The following UBE2G1 variants were observed in gnomAD, a reference collection of about 807,000 sequenced individuals.
UBE2G1 encodes the protein ubiquitin conjugating enzyme E2 G1, also known as ubiquitin-conjugating enzyme E2 G1.
In UBE2G1, 5 loss-of-function variants were observed where a neutral mutation model predicts 22.7. The ratio of observed to expected loss-of-function variants is 0.22; its 90% CI spans 0.12 to 0.46. The LOEUF is 0.46. UBE2G1 is among the 20% of genes least tolerant of loss of function. UBE2G1 has a pLI of 0.99. For synonymous variants in UBE2G1, 74 were observed against 67.5 expected, an observed-to-expected ratio of 1.10 and a Z score of -0.47; for missense variants, 88 against 203.9, an observed-to-expected ratio of 0.43 and a Z score of 3.46.
At chr17:4,294,760 A>C (rs1043372598) in intron 3 of UBE2G1, among the ~76,000 whole-genome samples, 7 of 152,126 alleles carry the variant, frequency 4.6e-5, no homozygotes, top group Non-Finnish European at 1.5e-5. Flanking sequence ...ACAAAAAAAA[A>C]CAAAAATTAG....
At chr17:4,348,620 T>C (rs909246892) in intron 1 of UBE2G1, among the ~76,000 whole-genome samples, 14 of 150,522 alleles carry the variant, frequency 9.3e-5, no homozygotes, top group Admixed American at 6.0e-4. Context: ...TCCCAGCACT[T>C]TGGGAGGCTG....
At chr17:4,315,420 T>C (rs1305202181) in intron 1 of UBE2G1, among the ~76,000 whole-genome samples, 1 of 152,154 alleles carries the variant, frequency 6.6e-6, no homozygotes, top group African/African-American at 2.4e-5. Flanking sequence ...CAACTAGACG[T>C]CATTTTGTAC....
chr17:4,358,520 T>A (rs1969932505), intron 1 of UBE2G1, among the ~76,000 whole-genome samples: 1 of 152,204 alleles, frequency 6.6e-6, no homozygotes, highest in African/African-American at 2.4e-5. Flanking sequence ...GCCAGATATG[T>A]GATTTGCAAA....
intron 2 of UBE2G1, chr17:4,302,467 T>C (rs905303659): frequency 2.0e-6 from 1 of 497,394 alleles, no homozygotes; most frequent in Non-Finnish European, 4.1e-6. Flanking sequence ...GGGAACTGCA[T>C]ATGGCTTCAC....
At chr17:4,311,722 C>T (rs995014292) in intron 1 of UBE2G1, among the ~76,000 whole-genome samples, 2 of 152,172 alleles carry the variant, frequency 1.3e-5, no homozygotes, top group African/African-American at 4.8e-5. Context: ...TGGCTGGCTG[C>T]ACAACATCGT....
rs1010365427 is a variant in UBE2G1, at chr17:4,270,103, C to A, written c.*2451G>T. On this transcript the variant is annotated 3_prime_UTR_variant, in exon 6 of 6. Transcript: ENST00000396981. ...AAAAGCATGTGGAGACGCACTCATG[C>A]CTGGCTCTCACTTCCACTCCCGTAG... 2 of 152,516 alleles carry A rather than the reference C, an allele frequency of 1.3e-5. No individual in the cohort carries two copies. The highest frequency in any genetic ancestry group is 4.8e-5 in the African/African-American group (2 of 41,410). The allele number at this position is 152,516 out of a possible 1,614,324, so 9.4% of individuals were successfully genotyped here.
rs982207299 is a variant in UBE2G1 at position 4,328,601 on chromosome 17, T to G, written c.47-21478A>C. 4.6e-5 allele frequency among the ~76,000 whole-genome samples: 7 copies of G among 152,222 alleles called. 1 individual carries two copies. The highest frequency in any genetic ancestry group is 1.5e-5 in the Non-Finnish European group (1 of 68,042). On this transcript the variant is annotated intron_variant, in intron 1 of 5. Transcript: ENST00000396981. The stretch of plus-strand genomic sequence containing the variant: ...TTCTTTTGCATTCCTCTACATCTTA[T>G]TCCATTTACAAGTTTATCTGTGTGA...
At position 4,270,935 on chromosome 17, in the gene UBE2G1, C is replaced by T. The variant is rs1339998107; in HGVS notation, c.*1619G>A. The T allele has an allele frequency of 6.6e-6, 1 of 152,172 alleles. No homozygotes were observed. The highest frequency in any genetic ancestry group is 1.5e-5 in the Non-Finnish European group (1 of 68,036). The allele number at this position is 152,172 out of a possible 1,614,324, so 9.4% of individuals were successfully genotyped here. On this transcript the variant is annotated 3_prime_UTR_variant, in exon 6 of 6. Transcript: ENST00000396981. Reference sequence around the variant, plus strand: ...TTCACTCTTCTGCCAAAGCATTTCTCCAAACCCCACAGAGCAGAGATGCAC... The same window carrying T: ...TTCACTCTTCTGCCAAAGCATTTCTTCAAACCCCACAGAGCAGAGATGCAC...
intron 4 of UBE2G1, among the ~76,000 whole-genome samples, chr17:4,287,240 G>A (rs941166549): frequency 6.6e-6 from 1 of 151,806 alleles, no homozygotes; most frequent in Non-Finnish European, 1.5e-5. Context: ...AAGCAGCTGG[G>A]ATTACAGGCG....
In UBE2G1 at chr17:4,271,031, A is replaced by C. The variant is rs959589887; in HGVS notation, c.*1523T>G. The C allele has an allele frequency of 6.6e-6, 1 of 152,212 alleles. No individual in the cohort carries two copies. The highest frequency in any genetic ancestry group is 2.4e-5 in the African/African-American group (1 of 41,448). 9.4% of individuals were successfully genotyped at this position (152,212 alleles called of 1,614,324 possible). A position where few individuals can be genotyped will look rare whatever the true frequency, so the allele number is the denominator to read the frequency against. Reference sequence around the variant, plus strand: ...ACTGTCTCAAGTTCTATCCCTTATAAGCCAAAGACTACTTCCCACACACAA... The same window carrying C: ...ACTGTCTCAAGTTCTATCCCTTATACGCCAAAGACTACTTCCCACACACAA... On this transcript the variant is annotated 3_prime_UTR_variant, in exon 6 of 6. Transcript: ENST00000396981.
rs1969926803 is a variant in UBE2G1 at position 4,357,987 on chromosome 17, CCT to C, written c.46+8282_46+8283del. Among the ~76,000 whole-genome samples, 2 of 151,398 alleles carry C rather than the reference CCT, an allele frequency of 1.3e-5. 1 individual carries two copies. Among genetic ancestry groups the C allele is most frequent in the African/African-American group, 4.9e-5 (2 of 41,182 alleles). ...TATGTAGACACAAAGAGAGAGAGACCCTGTCTCTTAAAAAAGAAAAAAAAAAG... is the reference window on the plus strand; with the variant it reads ...TATGTAGACACAAAGAGAGAGAGACCGTCTCTTAAAAAAGAAAAAAAAAAG... On this transcript the variant is annotated intron_variant, in intron 1 of 5. Transcript: ENST00000396981.
At position 4,291,946 on chromosome 17, in the gene UBE2G1, G is replaced by A. The variant is rs183736564; in HGVS notation, c.248-2538C>T. On this transcript the variant is annotated intron_variant, in intron 3 of 5. Coordinates refer to ENST00000396981, the MANE Select transcript of UBE2G1 (RefSeq NM_003342.5). ...TTAATGTTTACTTTCCTCTTGCCAC[G>A]GTGTTTCTTAGTTTTCCCCATATAA... 2.2e-4 allele frequency among the ~76,000 whole-genome samples: 34 copies of A among 152,084 alleles called. No homozygotes were observed. In the East Asian group the frequency reaches 6.4e-3, roughly 29 times the overall value.
At chr17:4,341,747 G>A (rs141655016) in intron 1 of UBE2G1, among the ~76,000 whole-genome samples, 65 of 152,254 alleles carry the variant, frequency 4.3e-4, no homozygotes, top group African/African-American at 1.5e-3. Context: ...TCCGTCCAGT[G>A]CAACTGCCTT....
chr17:4,366,424 G>T lies in UBE2G1; in HGVS notation c.-108C>A. 8.6e-7 allele frequency: 1 copy of T among 1,169,486 alleles called. No homozygotes were observed. The allele number at this position is 1,169,486 out of a possible 1,614,324, so 72.4% of individuals were successfully genotyped here. ...CCGAGGAACCCGGGCCCCGCGACCG[G>T]AGCGCCGGAGCCGAGGAAGGCCGGG... On this transcript the variant is annotated 5_prime_UTR_variant, in exon 1 of 6. Coordinates refer to ENST00000396981, the MANE Select transcript of UBE2G1 (RefSeq NM_003342.5).
chr17:4,296,470 C>T, intron 3 of UBE2G1, among the ~76,000 whole-genome samples: 1 of 152,076 alleles, frequency 6.6e-6, no homozygotes, highest in Non-Finnish European at 1.5e-5. Flanking sequence ...ACCATGTTTG[C>T]CAGGCTGGTC....
At chr17:4,306,808 C>T (rs1392482207) in intron 2 of UBE2G1, among the ~76,000 whole-genome samples, 4 of 152,002 alleles carry the variant, frequency 2.6e-5, no homozygotes, top group African/African-American at 7.2e-5. Context: ...CATGCCACCA[C>T]ACCCAGCTAA....
chr17:4,347,347 A>C (rs1159167749), intron 1 of UBE2G1, among the ~76,000 whole-genome samples: 1 of 151,992 alleles, frequency 6.6e-6, no homozygotes, highest in Non-Finnish European at 1.5e-5. Flanking sequence ...AATGCACTTC[A>C]GTTACTGTGT....
At chr17:4,332,558 G>A (rs1371987869) in intron 1 of UBE2G1, among the ~76,000 whole-genome samples, 1 of 152,160 alleles carries the variant, frequency 6.6e-6, no homozygotes, top group East Asian at 1.9e-4. Flanking sequence ...ATGGCCTATA[G>A]GGTCCTTCAG....
chr17:4,353,069 T>A (rs1411226913), intron 1 of UBE2G1, among the ~76,000 whole-genome samples: 1 of 151,938 alleles, frequency 6.6e-6, no homozygotes, highest in Admixed American at 6.6e-5. Flanking sequence ...ATACAAAAAA[T>A]TAGCCAGGTG....
Sources: allele counts gnomAD v4.1 joint callset (sites outside exome capture counted in the v4.1 genomes callset), GRCh38; gene constraint gnomAD v4.1.1; transcripts MANE v1.5; gene names NCBI Gene and HGNC (gene_info 2026-07-23, HGNC 2026-07-21).